Variants in EPS8L3 observed in about 807,000 individuals in gnomAD.
The protein encoded by EPS8L3 is EPS8 signaling adaptor L3.
Under a neutral mutation model 88.5 loss-of-function variants are expected in EPS8L3, and 80 were observed. The observed-to-expected ratio is 0.90, with a 90% confidence interval of 0.75 to 1.09. The LOEUF (loss-of-function observed/expected upper bound fraction) is 1.09. EPS8L3 is among the 50% of genes least tolerant of loss of function. The pLI, the probability that EPS8L3 is intolerant of heterozygous loss-of-function variation, is 0.00. For missense variants in EPS8L3, 721 were observed against 735.2 expected (o/e 0.98, Z 0.22); for synonymous variants, 286 against 291.0 (o/e 0.98, Z 0.18).
chr1:109,758,271 C>T (rs1650502443), intron 8 of EPS8L3, 45 bp downstream of exon 8: 5 of 1,561,722 alleles, frequency 3.2e-6, no homozygotes, highest in Middle Eastern at 1.7e-4. Flanking sequence ...CTTCCTTTTC[C>T]CAGGCCCAGA....
chr1:109,753,329 T>C, intron 12 of EPS8L3, 131 bp from the exon 13 acceptor site: 1 of 672,702 alleles, frequency 1.5e-6, no homozygotes, highest in South Asian at 2.0e-5. Flanking sequence ...ACATGGTCCA[T>C]GTGCACAGAT....
At chr1:109,758,755 C>G (rs1650572902) in intron 6 of EPS8L3, 92 bp from the exon 7 acceptor site, 1 of 1,450,034 alleles carries the variant, frequency 6.9e-7, no homozygotes, top group Non-Finnish European at 9.2e-7. Flanking sequence ...AGGGGCACCA[C>G]CACCTCTCTC....
Position 109,750,253 on chromosome 1 carries a change from G to A in EPS8L3, c.*138C>T. 9.4e-7 allele frequency: 1 copy of A among 1,064,686 alleles called. No individual in the cohort carries two copies. The highest frequency in any genetic ancestry group is 1.4e-5 in the South Asian group (1 of 69,076). The allele number at this position is 1,064,686 out of a possible 1,614,324, so 66.0% of individuals were successfully genotyped here. A position where few individuals can be genotyped will look rare whatever the true frequency, so the allele number is the denominator to read the frequency against. ...GCTTCAGCCTCTGGGCCTGTCCATT[G>A]TTTTTGCTGTGTGAGCTGGGGTGTG... On this transcript the variant is annotated 3_prime_UTR_variant, in exon 19 of 19. Transcript: ENST00000361965.
chr1:109,759,499 T>TACC lies in EPS8L3; in HGVS notation c.256-115_256-113dup. 3 of 1,531,232 alleles carry TACC rather than the reference T, an allele frequency of 2.0e-6. No homozygotes were observed. 94.9% of individuals were successfully genotyped at this position (1,531,232 alleles called of 1,614,324 possible). A position where few individuals can be genotyped will look rare whatever the true frequency, so the allele number is the denominator to read the frequency against. On this transcript the variant is annotated intron_variant, in intron 4 of 18. Transcript: ENST00000361965. This position sits in a 1 kb window ranked among gnomAD's most constrained non-coding sequence, Gnocchi z 4.2. The stretch of plus-strand genomic sequence containing the variant: ...GGTGGCCTAGGGCTGAGGTGTCATC[T>TACC]ACCTGACTCTTGTGCCTCTGTCCCC...
chr1:109,753,080 G>C (rs746790735), intron 13 of EPS8L3, 37 bp downstream of exon 13: 17 of 1,555,920 alleles, frequency 1.1e-5, no homozygotes, highest in Non-Finnish European at 1.5e-5. Flanking sequence ...CCAGGGACTA[G>C]GGCTGTGGGT....
rs773652266 is a variant in EPS8L3 at position 109,761,484 on chromosome 1, G to A, written c.96+11C>T. ...AGTTGGACACTGCCCGGGGGCTGCA[G>A]AGGTACTCACCTCCACCCTGTGCTG... On this transcript the variant is annotated intron_variant, in intron 3 of 18. Transcript: ENST00000361965. 1.1e-4 allele frequency: 184 copies of A among 1,607,264 alleles called. No individual in the cohort carries two copies. Among genetic ancestry groups the A allele is most frequent in the Non-Finnish European group, 1.4e-4 (165 of 1,175,110 alleles).
At chr1:109,761,588 G>C (rs1430898052) in intron 2 of EPS8L3, 29 bp from the exon 3 acceptor site, 1 of 1,612,974 alleles carries the variant, frequency 6.2e-7, no homozygotes, top group Non-Finnish European at 8.5e-7. Context: ...AGGGGCGGGA[G>C]GTGGGCAGAA....
In EPS8L3 at chr1:109,759,479, C is replaced by A. The variant is rs951380173; in HGVS notation, c.256-92G>T. The A allele has an allele frequency of 6.4e-7, 1 of 1,560,926 alleles. No homozygotes were observed. Among genetic ancestry groups the A allele is most frequent in the African/African-American group, 1.4e-5 (1 of 73,806 alleles). On this transcript the variant is annotated intron_variant, in intron 4 of 18. Transcript: ENST00000361965. This position sits in a 1 kb window ranked among gnomAD's most constrained non-coding sequence, Gnocchi z 4.2. ...CCAGCTCATCCTAGCCCTTTGGTGG[C>A]CTAGGGCTGAGGTGTCATCTACCTG...
At chr1:109,756,177 T>G (rs1650264675) in intron 12 of EPS8L3, among the ~76,000 whole-genome samples, 1 of 152,330 alleles carries the variant, frequency 6.6e-6, no homozygotes, top group African/African-American at 2.4e-5. Flanking sequence ...CAAGGATGCC[T>G]CAGCTCAGCG....
In EPS8L3 at chr1:109,759,891, C is replaced by T. The variant is rs1650730838; in HGVS notation, c.97-55G>A. 1 of 1,584,828 alleles carries T rather than the reference C, an allele frequency of 6.3e-7. No homozygotes were observed. The highest frequency in any genetic ancestry group is 1.3e-5 in the African/African-American group (1 of 74,416). ...GGAGAAAGCTCAGAGAGGTGGACCACAGGCGTGCTGGGTAGAGAAAAGCAG... is the reference window on the plus strand; with the variant it reads ...GGAGAAAGCTCAGAGAGGTGGACCATAGGCGTGCTGGGTAGAGAAAAGCAG... On this transcript the variant is annotated intron_variant, in intron 3 of 18. Transcript: ENST00000361965. This position sits in a 1 kb window ranked among gnomAD's most constrained non-coding sequence, Gnocchi z 4.2.
In EPS8L3 at chr1:109,757,164, A is replaced by G; in HGVS notation, c.971T>C (p.Ile324Thr). The change falls in exon 12 of 19, where the codon ATC becomes ACC. Residue 324 changes from isoleucine (I) to threonine (T), a missense_variant and splice_region_variant. By Grantham distance (89) the Ile-to-Thr change is moderately conservative (BLOSUM62 -1). Coordinates refer to ENST00000361965, the MANE Select transcript of EPS8L3 (RefSeq NM_133181.4). The stretch of plus-strand genomic sequence containing the variant: ...GCCAGCCTCAGGGCACCTGGCCAGG[A>G]TCTAGGGGAGAGATGGAAGGTGTCA... Reference protein sequence around the residue: ...VHILFKSLNFILARCPEAGLA... With the variant: ...VHILFKSLNFTLARCPEAGLA... 6.2e-7 allele frequency: 1 copy of G among 1,607,044 alleles called. No homozygotes were observed. The highest frequency in any genetic ancestry group is 8.5e-7 in the Non-Finnish European group (1 of 1,175,802).
rs748329403 is a variant in EPS8L3, at chr1:109,759,058, C to T, written c.461+4G>A. 3.1e-6 allele frequency: 5 copies of T among 1,598,862 alleles called. No homozygotes were observed. In the East Asian group the frequency reaches 1.1e-4, roughly 36 times the overall value. ...CATAGGTGGGCTGGGCAGAGGCTGC[C>T]TACCTTTGCTCCAGCTCTTCCTCCA... On this transcript the variant is annotated splice_donor_region_variant and intron_variant, in intron 6 of 18. Coordinates refer to ENST00000361965, the MANE Select transcript of EPS8L3 (RefSeq NM_133181.4). This position sits in a 1 kb window ranked among gnomAD's most constrained non-coding sequence, Gnocchi z 4.2.
intron 3 of EPS8L3, among the ~76,000 whole-genome samples, chr1:109,761,012 G>A (rs1488604092): frequency 6.6e-6 from 1 of 152,108 alleles, no homozygotes; most frequent in Non-Finnish European, 1.5e-5. Flanking sequence ...TCACCCTGGA[G>A]GCTTGGGCCC....
intron 12 of EPS8L3, 50 bp from the exon 13 acceptor site, chr1:109,753,248 G>T: frequency 6.8e-7 from 1 of 1,477,434 alleles, no homozygotes; most frequent in Non-Finnish European, 9.3e-7. Flanking sequence ...GAACTCTGAT[G>T]CCAGGCTGTG....
In EPS8L3 at chr1:109,750,652, G is replaced by A. The variant is rs971838499; in HGVS notation, c.1770+8C>T. ...CCAATGGTTGTCAGGACCCCAGGGT[G>A]TCCTCACCCCCAGCATCCTTCTGAC... On this transcript the variant is annotated splice_region_variant and intron_variant, in intron 18 of 18. Transcript: ENST00000361965. 1 of 1,614,038 alleles carries A rather than the reference G, an allele frequency of 6.2e-7. No individual in the cohort carries two copies. Among genetic ancestry groups the A allele is most frequent in the Non-Finnish European group, 8.5e-7 (1 of 1,180,018 alleles).
intron 12 of EPS8L3, among the ~76,000 whole-genome samples, chr1:109,756,232 G>GT (rs1345013389): frequency 1.3e-5 from 2 of 152,116 alleles, no homozygotes; most frequent in Non-Finnish European, 2.9e-5. Flanking sequence ...CATCCGTTTG[G>GT]TTTTTTGTTT....
At chr1:109,758,247 G>A (rs954433385) in intron 8 of EPS8L3, 69 bp downstream of exon 8, 4 of 1,463,324 alleles carry the variant, frequency 2.7e-6, no homozygotes, top group Non-Finnish European at 3.8e-6. Context: ...AGAAAAAGAG[G>A]GAGGGTTGGT....
chr1:109,750,505 G>A, intron 18 of EPS8L3, 103 bp from the exon 19 acceptor site: 1 of 1,582,748 alleles, frequency 6.3e-7, no homozygotes, highest in Non-Finnish European at 8.6e-7. Flanking sequence ...CTGAATGCAT[G>A]AAGCTAAGCC....
chr1:109,762,787 C>T (rs7542853), intron 1 of EPS8L3, among the ~76,000 whole-genome samples: 27,198 of 152,226 alleles, frequency 0.18, 2,738 homozygotes, highest in South Asian at 0.22. Flanking sequence ...CACAAATGAA[C>T]GTTTAATAGA....
Sources: gnomAD v4.1 joint callset for allele counts (sites outside exome capture counted in the v4.1 genomes callset) on GRCh38, gnomAD v4.1.1 for gene constraint, Gnocchi (gnomAD v3.1) non-coding constraint, MANE v1.5 for transcripts, NCBI Gene and HGNC (gene_info 2026-07-23, HGNC 2026-07-21) for gene names.